Variants in CRTC1 observed in about 807,000 individuals in gnomAD.
The protein encoded by CRTC1 is CREB regulated transcription coactivator 1.
Under a neutral mutation model 66.1 loss-of-function variants are expected in CRTC1, and 18 were observed. The observed-to-expected ratio is 0.27, with a 90% confidence interval of 0.19 to 0.40. CRTC1 has a LOEUF of 0.40. Among genes scored for constraint, CRTC1 ranks in the 10% least tolerant of loss-of-function variants. CRTC1 has a pLI of 1.00. For synonymous variants in CRTC1, 416 were observed against 398.8 expected, an observed-to-expected ratio of 1.04 and a Z score of -0.51; for missense variants, 669 against 887.9, an observed-to-expected ratio of 0.75 and a Z score of 3.13.
chr19:18,767,637 A>G (rs2054766678), intron 9 of CRTC1, among the ~76,000 whole-genome samples: 1 of 152,172 alleles, frequency 6.6e-6, no homozygotes, highest in Admixed American at 6.5e-5. Context: ...GTCTGCTTAC[A>G]AAGGTGTCTT....
At position 18,768,341 on chromosome 19, in the gene CRTC1, C is replaced by T. The variant is rs1038165609; in HGVS notation, c.1012-144C>T. 1.5e-5 allele frequency: 10 copies of T among 671,952 alleles called. No homozygotes were observed. The highest frequency in any genetic ancestry group is 5.7e-5 in the South Asian group (3 of 52,606). The allele number at this position is 671,952 out of a possible 1,614,324, so 41.6% of individuals were successfully genotyped here. Reference sequence around the variant, plus strand: ...CCCTCTCTAGCCTGGGCTCCCTCATCGTGAGGAGCACCCAGCCCAGGGGCT... The same window carrying T: ...CCCTCTCTAGCCTGGGCTCCCTCATTGTGAGGAGCACCCAGCCCAGGGGCT... On this transcript the variant is annotated intron_variant, in intron 9 of 13. Transcript: ENST00000321949. The surrounding 1 kb of genome is among the most constrained non-coding windows in gnomAD (Gnocchi z 5.6).
At chr19:18,733,342 G>A (rs991406006) in intron 1 of CRTC1, among the ~76,000 whole-genome samples, 1 of 152,176 alleles carries the variant, frequency 6.6e-6, no homozygotes, top group African/African-American at 2.4e-5. Context: ...CTCAGCCCCC[G>A]AGGGACCCTT....
chr19:18,728,980 T>G (rs1399431350), intron 1 of CRTC1, among the ~76,000 whole-genome samples: 1 of 148,382 alleles, frequency 6.7e-6, no homozygotes, highest in African/African-American at 2.5e-5. Flanking sequence ...GTCTGGCTAA[T>G]TCTTGTATTT....
In CRTC1 at chr19:18,781,275, G is replaced by A. The variant is rs531049053; in HGVS notation, c.*3893G>A. The A allele has an allele frequency of 1.1e-4, 26 of 228,428 alleles. No homozygotes were observed. The South Asian group carries it at 1.8e-3, about 16-fold the overall frequency. The allele number at this position is 228,428 out of a possible 1,614,324, so 14.2% of individuals were successfully genotyped here. On this transcript the variant is annotated 3_prime_UTR_variant, in exon 14 of 14. Coordinates refer to ENST00000321949, the MANE Select transcript of CRTC1 (RefSeq NM_015321.3). ...CAGCCTAAGAGCAGGGGCAAGACTC[G>A]GCCCCTCACTCACCCTGGGAGGCCT...
Position 18,777,123 on chromosome 19 carries a change from A to T in CRTC1, c.1694-48A>T. ...CTGGTCCGACACATGGATGCGAGCG[A>T]TGGAGCCAGGGCTAAGCAGTGCCTT... On this transcript the variant is annotated intron_variant, in intron 13 of 13. Coordinates refer to ENST00000321949, the MANE Select transcript of CRTC1 (RefSeq NM_015321.3). The surrounding 1 kb of genome is among the most constrained non-coding windows in gnomAD (Gnocchi z 5.5). The T allele has an allele frequency of 9.2e-7, 1 of 1,081,632 alleles. No homozygotes were observed. Among genetic ancestry groups the T allele is most frequent in the Non-Finnish European group, 1.4e-6 (1 of 711,262 alleles). The allele number at this position is 1,081,632 out of a possible 1,614,324, so 67.0% of individuals were successfully genotyped here.
intron 1 of CRTC1, among the ~76,000 whole-genome samples, chr19:18,686,004 TCA>T (rs1376550342): frequency 6.6e-6 from 1 of 152,186 alleles, no homozygotes; most frequent in African/African-American, 2.4e-5. Context: ...TTTAGTATAT[TCA>T]CAGAGTTGTG....
intron 12 of CRTC1, 98 bp downstream of exon 12, chr19:18,775,084 T>A: frequency 1.7e-6 from 2 of 1,208,502 alleles, no homozygotes; most frequent in Non-Finnish European, 2.4e-6. Context: ...GAGCTGCACG[T>A]GCTCGGGGGG....
intron 1 of CRTC1, among the ~76,000 whole-genome samples, chr19:18,719,180 C>T (rs899782456): frequency 5.9e-5 from 9 of 152,226 alleles, no homozygotes; most frequent in African/African-American, 9.6e-5. Context: ...TCTACCCTGG[C>T]GGGCGCAGCC....
intron 1 of CRTC1, among the ~76,000 whole-genome samples, chr19:18,725,111 G>A (rs1002348715): frequency 1.3e-5 from 2 of 152,048 alleles, no homozygotes; most frequent in Admixed American, 1.3e-4. Flanking sequence ...CTTCACCTTG[G>A]GGAGCTCAGT....
intron 2 of CRTC1, 36 bp from the exon 3 acceptor site, chr19:18,745,787 T>C: frequency 1.2e-6 from 2 of 1,612,626 alleles, no homozygotes; most frequent in Non-Finnish European, 8.5e-7. Context: ...ATTGTTTGGA[T>C]TTCTCTCTCT....
intron 8 of CRTC1, 76 bp from the exon 9 acceptor site, chr19:18,765,328 A>T (rs1297613876): frequency 6.5e-7 from 1 of 1,541,740 alleles, no homozygotes; most frequent in Admixed American, 1.8e-5. Context: ...ATGCAGTGTG[A>T]CTGTGGGTGT....
chr19:18,777,264 C>T lies in CRTC1; in HGVS notation c.1787C>T (p.Pro596Leu). The change falls in exon 14 of 14, where the codon CCC (proline) becomes CTC (leucine). Residue 596 changes from proline to leucine, a missense_variant. Physicochemically the swap from Pro to Leu is moderately conservative, Grantham distance 98. Around this residue, in one of 8 missense-constraint regions of CRTC1, gnomAD observed 91 missense variants for 99.1 expected, o/e 0.92. Coordinates refer to ENST00000321949, the MANE Select transcript of CRTC1 (RefSeq NM_015321.3). The surrounding 1 kb of genome is among the most constrained non-coding windows in gnomAD (Gnocchi z 5.5). ...DVSFDSDSQF[P>L]LDELKIDPLT... ...AGCTTCGACTCCGACAGCCAGTTTC[C>T]CCTGGACGAACTCAAGATCGACCCC... 6.2e-7 allele frequency: 1 copy of T among 1,612,524 alleles called. No individual in the cohort carries two copies. The highest frequency in any genetic ancestry group is 1.1e-5 in the South Asian group (1 of 91,078).
At position 18,781,710 on chromosome 19, in the gene CRTC1, C is replaced by T. The variant is rs180948574; in HGVS notation, c.*4328C>T. On this transcript the variant is annotated 3_prime_UTR_variant, in exon 14 of 14. Coordinates refer to ENST00000321949, the MANE Select transcript of CRTC1 (RefSeq NM_015321.3). ...TCTCAAACCTGCAGGTCTCAGGGCC[C>T]CGGGCTCCTCCTGGGCAGGATGGGG... The T allele has an allele frequency of 7.8e-3, 1,792 of 230,892 alleles. 10 individuals carry two copies. Among genetic ancestry groups the T allele is most frequent in the Non-Finnish European group, 0.012 (1,382 of 116,616 alleles). 14.3% of individuals were successfully genotyped at this position (230,892 alleles called of 1,614,324 possible). A position where few individuals can be genotyped will look rare whatever the true frequency, so the allele number is the denominator to read the frequency against.
chr19:18,691,956 A>G (rs1169522584), intron 1 of CRTC1, among the ~76,000 whole-genome samples: 1 of 151,924 alleles, frequency 6.6e-6, no homozygotes, highest in Non-Finnish European at 1.5e-5. Flanking sequence ...CAAATGATCC[A>G]CCTGCCTCGG....
In CRTC1 at chr19:18,768,441, T is replaced by C; in HGVS notation, c.1012-44T>C. 1 of 1,571,778 alleles carries C rather than the reference T, an allele frequency of 6.4e-7. No homozygotes were observed. The highest frequency in any genetic ancestry group is 1.7e-4 in the Middle Eastern group (1 of 5,884). ...ATGGGGGCCCGAGGGGGCCAGGCGC[T>C]GACAACCAGGGCCCGCCCTGCCTGA... On this transcript the variant is annotated intron_variant, in intron 9 of 13. Coordinates refer to ENST00000321949, the MANE Select transcript of CRTC1 (RefSeq NM_015321.3). The surrounding 1 kb of genome is among the most constrained non-coding windows in gnomAD (Gnocchi z 5.6).
intron 1 of CRTC1, among the ~76,000 whole-genome samples, chr19:18,703,452 T>C (rs776330447): frequency 3.9e-5 from 6 of 152,198 alleles, no homozygotes; most frequent in Non-Finnish European, 8.8e-5. Flanking sequence ...CGTATTTATT[T>C]ATGCATTTAT....
intron 6 of CRTC1, among the ~76,000 whole-genome samples, chr19:18,758,180 T>C (rs1378492473): frequency 6.7e-6 from 1 of 149,838 alleles, no homozygotes; most frequent in Non-Finnish European, 1.5e-5. Flanking sequence ...GCTAACACGG[T>C]GAAACCCCGT....
chr19:18,780,788 C>A lies in CRTC1; in HGVS notation c.*3406C>A. 1 of 221,352 alleles carries A rather than the reference C, an allele frequency of 4.5e-6. No homozygotes were observed. The highest frequency in any genetic ancestry group is 9.1e-6 in the Non-Finnish European group (1 of 110,486). 13.7% of individuals were successfully genotyped at this position (221,352 alleles called of 1,614,324 possible). A position where few individuals can be genotyped will look rare whatever the true frequency, so the allele number is the denominator to read the frequency against. On this transcript the variant is annotated 3_prime_UTR_variant, in exon 14 of 14. Coordinates refer to ENST00000321949, the MANE Select transcript of CRTC1 (RefSeq NM_015321.3). Reference sequence around the variant, plus strand: ...AAGCAGTCCTCCCTCCTCGGCCTCCCAAAGTTCTGGGGCTACAGGTGTGAG... The same window carrying A: ...AAGCAGTCCTCCCTCCTCGGCCTCCAAAAGTTCTGGGGCTACAGGTGTGAG...
At chr19:18,762,432 C>T (rs1342766506) in intron 8 of CRTC1, among the ~76,000 whole-genome samples, 1 of 152,248 alleles carries the variant, frequency 6.6e-6, no homozygotes, top group African/African-American at 2.4e-5. Flanking sequence ...GCCCCTGGCA[C>T]ACACGAAGGT....
Sources: gnomAD v4.1 joint callset for allele counts (sites outside exome capture counted in the v4.1 genomes callset) on GRCh38, gnomAD v4.1.1 for gene constraint, gnomAD v4.1.1 regional missense constraint, Gnocchi (gnomAD v3.1) non-coding constraint, MANE v1.5 for transcripts, NCBI Gene and HGNC (gene_info 2026-07-23, HGNC 2026-07-21) for gene names.